The following CSMD2 variants were observed in gnomAD, a reference collection of about 807,000 sequenced individuals.
CSMD2 encodes CUB and sushi domain-containing protein 2.
A neutral mutation model predicts 398.5 loss-of-function variants in CSMD2; 130 were observed. The ratio of observed to expected loss-of-function variants is 0.33; its 90% CI spans 0.28 to 0.38. The LOEUF (loss-of-function observed/expected upper bound fraction) is 0.38, where lower values mean the gene tolerates loss of function less well. Among genes scored for constraint, CSMD2 ranks in the 10% least tolerant of loss-of-function variants. The probability of loss-of-function intolerance (pLI) is 1.00; values close to 1 mark genes in which losing one functional copy is unlikely to be tolerated. For missense variants in CSMD2, 3,829 were observed against 4,764.9 expected (o/e 0.80, Z 5.78); for synonymous variants, 1,828 against 1,908.5 (o/e 0.96, Z 1.10).
chr1:33,706,966 A>T (rs911102221), intron 22 of CSMD2, among the ~76,000 whole-genome samples: 1 of 152,004 alleles, frequency 6.6e-6, no homozygotes, highest in African/African-American at 2.4e-5. Context: ...ACTCTGACCT[A>T]GGTTTTATGC....
At chr1:33,846,855 G>A in intron 6 of CSMD2, 29 bp downstream of exon 6, 1 of 1,476,864 alleles carries the variant, frequency 6.8e-7, no homozygotes, top group African/African-American at 1.4e-5. Context: ...GCCCACTGAG[G>A]AAGCCAGACA....
chr1:33,810,958 T>C (rs1305192136), intron 9 of CSMD2, 94 bp from the exon 10 acceptor site: 9 of 1,402,110 alleles, frequency 6.4e-6, no homozygotes, highest in Non-Finnish European at 8.8e-6. Context: ...ACTGCATCTG[T>C]ACAGTTCCCA....
chr1:34,131,348 G>C (rs367791304), intron 1 of CSMD2, among the ~76,000 whole-genome samples: 3 of 140,812 alleles, frequency 2.1e-5, no homozygotes, highest in Admixed American at 6.8e-5. Flanking sequence ...GTGCAGGAGA[G>C]GGGGGGGTCT....
chr1:33,698,426 C>T (rs537353129), intron 24 of CSMD2, among the ~76,000 whole-genome samples: 31 of 152,194 alleles, frequency 2.0e-4, no homozygotes, highest in Non-Finnish European at 3.8e-4. Flanking sequence ...AGCCCCATCT[C>T]TCCCTTTCTA....
intron 39 of CSMD2, among the ~76,000 whole-genome samples, chr1:33,615,753 T>C (rs1355105575): frequency 6.6e-6 from 1 of 152,244 alleles, no homozygotes; most frequent in African/African-American, 2.4e-5. Flanking sequence ...GGAAAGTGCC[T>C]TGGGCTGACC....
intron 4 of CSMD2, among the ~76,000 whole-genome samples, chr1:33,923,042 A>G (rs1342157011): frequency 6.6e-6 from 1 of 152,194 alleles, no homozygotes; most frequent in Non-Finnish European, 1.5e-5. Context: ...CAACTCACAT[A>G]CTTTTTTTTT....
intron 4 of CSMD2, among the ~76,000 whole-genome samples, chr1:33,932,197 G>T (rs1644334323): frequency 6.6e-6 from 1 of 152,122 alleles, no homozygotes. Context: ...TTTGAAACAA[G>T]CTGAGGAGAA....
chr1:34,123,818 C>A (rs867604764), intron 1 of CSMD2, among the ~76,000 whole-genome samples: 4 of 150,822 alleles, frequency 2.7e-5, no homozygotes, highest in African/African-American at 9.9e-5. Context: ...GAAAAAAAAA[C>A]AACAACATGG....
At chr1:34,115,443 T>G (rs1034546901) in intron 1 of CSMD2, among the ~76,000 whole-genome samples, 3 of 152,120 alleles carry the variant, frequency 2.0e-5, no homozygotes, top group African/African-American at 7.2e-5. Flanking sequence ...AGGTGATATA[T>G]TCAAAGTACT....
At chr1:33,571,030 A>C (rs1659548407) in intron 51 of CSMD2, among the ~76,000 whole-genome samples, 1 of 152,154 alleles carries the variant, frequency 6.6e-6, no homozygotes, top group Admixed American at 6.5e-5. Context: ...AAGTGTATTA[A>C]AGAACCAAAG....
chr1:34,091,008 A>T (rs1387676731), intron 1 of CSMD2, among the ~76,000 whole-genome samples: 1 of 152,094 alleles, frequency 6.6e-6, no homozygotes, highest in Non-Finnish European at 1.5e-5. Context: ...CTCTGCCTAC[A>T]ACACTCTTAG....
chr1:33,632,919 A>G (rs1642552750), intron 32 of CSMD2, among the ~76,000 whole-genome samples: 1 of 152,126 alleles, frequency 6.6e-6, no homozygotes, highest in South Asian at 2.1e-4. Flanking sequence ...AGCCTAGAAG[A>G]AAAAAAATGA....
intron 1 of CSMD2, among the ~76,000 whole-genome samples, chr1:34,126,039 C>T (rs1662706726): frequency 6.6e-6 from 1 of 152,216 alleles, no homozygotes; most frequent in Non-Finnish European, 1.5e-5. Context: ...GACATCACTG[C>T]AGGGCATGGG....
intron 44 of CSMD2, chr1:33,599,957 C>T (rs114188718): frequency 2.1e-4 from 126 of 594,124 alleles, no homozygotes; most frequent in African/African-American, 2.0e-3. Flanking sequence ...GCAGATACTG[C>T]GGAGGCTGGG....
intron 44 of CSMD2, chr1:33,592,521 G>A (rs1266321378): frequency 7.0e-6 from 5 of 717,196 alleles, no homozygotes; most frequent in Non-Finnish European, 1.3e-5. Context: ...CATTATGAGT[G>A]GCACAGGCAC....
At chr1:33,553,493 G>C (rs1022598909) in intron 55 of CSMD2, among the ~76,000 whole-genome samples, 3 of 152,120 alleles carry the variant, frequency 2.0e-5, no homozygotes, top group Non-Finnish European at 4.4e-5. Flanking sequence ...CCTATTCCCT[G>C]AGACCCACCA....
rs771868810 is a variant in CSMD2 at position 33,614,593 on chromosome 1, A to G, written c.6044T>C (p.Met2015Thr). The change falls in exon 40 of 71, where the codon ATG becomes ACG. Residue 2015 changes from methionine to threonine, a missense_variant. Met to Thr is a moderately conservative substitution (Grantham distance 81). Coordinates refer to ENST00000373381, the MANE Select transcript of CSMD2 (RefSeq NM_001281956.2). The stretch of plus-strand genomic sequence containing the variant: ...GCCGGGGCTCAGGATCACCCCCTCC[A>G]TCTCCTCCACTGTTCCCCCACACTG... ...IAQCGGTVEE[M>T]EGVILSPGFP... 8.7e-6 allele frequency: 14 copies of G among 1,610,814 alleles called. No individual in the cohort carries two copies. The highest frequency in any genetic ancestry group is 3.3e-4 in the Middle Eastern group (2 of 6,080).
chr1:34,067,055 G>C (rs572136377), intron 2 of CSMD2, among the ~76,000 whole-genome samples: 1 of 152,176 alleles, frequency 6.6e-6, no homozygotes, highest in Non-Finnish European at 1.5e-5. Context: ...CACAGGCGAG[G>C]ATGAATGCCC....
At chr1:33,936,658 G>A (rs1361980868) in intron 3 of CSMD2, among the ~76,000 whole-genome samples, 2 of 152,226 alleles carry the variant, frequency 1.3e-5, no homozygotes, top group Non-Finnish European at 2.9e-5. Context: ...TGGGGAAGGT[G>A]CAAGAGCACC....
Sources: allele counts gnomAD v4.1 joint callset (sites outside exome capture counted in the v4.1 genomes callset), GRCh38; gene constraint gnomAD v4.1.1; transcripts MANE v1.5; gene names NCBI Gene and HGNC (gene_info 2026-07-23, HGNC 2026-07-21).